Variants in SCD5 observed in about 807,000 individuals in gnomAD.
The protein encoded by SCD5 is stearoyl-CoA desaturase 5, also known as acyl-CoA-desaturase 4.
In SCD5, 20 loss-of-function variants were observed where a neutral mutation model predicts 30.4. The observed-to-expected ratio is 0.66, with a 90% CI of 0.46 to 0.96. SCD5 has a LOEUF of 0.96. Among genes scored for constraint, SCD5 ranks in the 40% least tolerant of loss-of-function variants. SCD5 has a pLI of 0.00. For synonymous variants in SCD5, 173 were observed against 176.4 expected, an observed-to-expected ratio of 0.98 and a Z score of 0.16; for missense variants, 381 against 443.3, an observed-to-expected ratio of 0.86 and a Z score of 1.26.
At chr4:82,706,614 C>A (rs954586243) in intron 1 of SCD5, among the ~76,000 whole-genome samples, 4 of 152,258 alleles carry the variant, frequency 2.6e-5, no homozygotes, top group Non-Finnish European at 5.9e-5. Flanking sequence ...TGAGCCAATC[C>A]TTTTCCCTCT....
At chr4:82,771,462 C>T (rs994316146) in intron 1 of SCD5, among the ~76,000 whole-genome samples, 43 of 152,224 alleles carry the variant, frequency 2.8e-4, no homozygotes, top group African/African-American at 9.6e-4. Context: ...TAAGGACCCA[C>T]CAACGGTGTA....
At chr4:82,705,216 T>C in intron 2 of SCD5, 67 bp downstream of exon 2, 1 of 1,577,964 alleles carries the variant, frequency 6.3e-7, no homozygotes, top group Non-Finnish European at 8.7e-7. Flanking sequence ...TCAGCCCATC[T>C]TTCCCCTCCT....
chr4:82,667,503 C>T (rs1396809911), intron 3 of SCD5, among the ~76,000 whole-genome samples: 1 of 152,196 alleles, frequency 6.6e-6, no homozygotes, highest in Non-Finnish European at 1.5e-5. Flanking sequence ...GTTGAATCAT[C>T]TCTGTCTTGT....
chr4:82,759,621 C>T (rs1721311572), intron 1 of SCD5, among the ~76,000 whole-genome samples: 1 of 145,226 alleles, frequency 6.9e-6, no homozygotes, highest in Admixed American at 7.0e-5. Context: ...CCTGTCCAGC[C>T]TAGGCAACAC....
intron 3 of SCD5, among the ~76,000 whole-genome samples, chr4:82,679,049 A>G (rs1164578093): frequency 6.6e-6 from 1 of 151,546 alleles, no homozygotes; most frequent in African/African-American, 2.4e-5. Context: ...AAATACAAAA[A>G]TTAGCCGGGC....
At chr4:82,699,759 T>C (rs902391728) in intron 2 of SCD5, among the ~76,000 whole-genome samples, 2 of 151,496 alleles carry the variant, frequency 1.3e-5, no homozygotes, top group Non-Finnish European at 2.9e-5. Context: ...CGTCCCAGGT[T>C]CAAGCGATTC....
At chr4:82,708,718 T>C (rs1019821456) in intron 1 of SCD5, among the ~76,000 whole-genome samples, 1 of 152,148 alleles carries the variant, frequency 6.6e-6, no homozygotes, top group Non-Finnish European at 1.5e-5. Context: ...CCTGACTATA[T>C]GACAGAGAAC....
chr4:82,764,819 T>G lies in SCD5; in HGVS notation c.232+33487A>C, dbSNP rs190211926. Among the ~76,000 whole-genome samples the G allele has an allele frequency of 4.6e-5, 7 of 151,708 alleles. No individual in the cohort carries two copies. The East Asian group carries it at 1.4e-3, about 29-fold the overall frequency. ...TTAGCTCACTGCAACCTCCACCTCC[T>G]GGGTTCAAGCGATTCTCCTGCCTCA... On this transcript the variant is annotated intron_variant, in intron 1 of 4. Transcript: ENST00000319540.
intron 3 of SCD5, among the ~76,000 whole-genome samples, chr4:82,677,090 A>G (rs1439882657): frequency 2.0e-5 from 3 of 152,214 alleles, no homozygotes; most frequent in East Asian, 1.9e-4. Flanking sequence ...ATCAACTGCA[A>G]TATCTGTGTT....
chr4:82,644,060 G>C (rs993367160), intron 3 of SCD5, among the ~76,000 whole-genome samples: 2 of 152,208 alleles, frequency 1.3e-5, no homozygotes, highest in African/African-American at 4.8e-5. Flanking sequence ...AAGCATCTTA[G>C]CACACCGTAG....
chr4:82,756,319 G>C (rs2148844426), intron 1 of SCD5, among the ~76,000 whole-genome samples: 1 of 152,338 alleles, frequency 6.6e-6, no homozygotes, highest in Non-Finnish European at 1.5e-5. Context: ...GTGATGATGA[G>C]AGCAGGCGCT....
At chr4:82,770,193 C>A (rs949722003) in intron 1 of SCD5, among the ~76,000 whole-genome samples, 1 of 152,156 alleles carries the variant, frequency 6.6e-6, no homozygotes, top group Non-Finnish European at 1.5e-5. Context: ...CCTCCCCACA[C>A]CCCACGATAG....
chr4:82,760,682 T>C (rs1721344639), intron 1 of SCD5, among the ~76,000 whole-genome samples: 1 of 152,172 alleles, frequency 6.6e-6, no homozygotes, highest in Admixed American at 6.5e-5. Context: ...GTCAAGCCCA[T>C]TCAAGCCTGA....
At chr4:82,652,915 G>A (rs988839079) in intron 3 of SCD5, among the ~76,000 whole-genome samples, 1 of 152,160 alleles carries the variant, frequency 6.6e-6, no homozygotes, top group Non-Finnish European at 1.5e-5. Context: ...CACTTTGGGC[G>A]GCTGAGGTGG....
chr4:82,743,824 C>T (rs1720930622), intron 1 of SCD5, among the ~76,000 whole-genome samples: 1 of 152,078 alleles, frequency 6.6e-6, no homozygotes, highest in African/African-American at 2.4e-5. Flanking sequence ...CGGCCACTAA[C>T]TTCTTTGTTG....
chr4:82,653,046 G>T (rs1727789284), intron 3 of SCD5, among the ~76,000 whole-genome samples: 1 of 146,998 alleles, frequency 6.8e-6, no homozygotes, highest in Non-Finnish European at 1.6e-5. Flanking sequence ...CTGGCTACTT[G>T]GGGGGACTGA....
chr4:82,657,333 GAAC>G (rs1278679991), intron 3 of SCD5, among the ~76,000 whole-genome samples: 1 of 152,018 alleles, frequency 6.6e-6, no homozygotes, highest in Non-Finnish European at 1.5e-5. Flanking sequence ...CCAGTTTTCA[GAAC>G]ATCATTTATT....
At chr4:82,701,697 C>T (rs565187276) in intron 2 of SCD5, among the ~76,000 whole-genome samples, 227 of 152,222 alleles carry the variant, frequency 1.5e-3, no homozygotes, top group Non-Finnish European at 2.2e-3. Flanking sequence ...AGAATTTAAG[C>T]TAAATCCCTT....
rs531293982 is a variant in SCD5 at position 82,649,256 on chromosome 4, T to C, written c.570-12433A>G. ...ACCTTAGAGGCAGTTCATTAACATA[T>C]GAAGTACTGTAATAAAAAAATCCAC... is the stretch of plus-strand genomic sequence containing the variant. On this transcript the variant is annotated intron_variant, in intron 3 of 4. Coordinates refer to ENST00000319540, the MANE Select transcript of SCD5 (RefSeq NM_001037582.3). 5.1e-4 allele frequency among the ~76,000 whole-genome samples: 77 copies of C among 151,612 alleles called. 1 individual carries two copies. Among genetic ancestry groups the C allele is most frequent in the African/African-American group, 1.8e-3 (74 of 41,336 alleles).
Sources: gnomAD v4.1 joint callset for allele counts (sites outside exome capture counted in the v4.1 genomes callset) on GRCh38, gnomAD v4.1.1 for gene constraint, MANE v1.5 for transcripts, NCBI Gene and HGNC (gene_info 2026-07-23, HGNC 2026-07-21) for gene names.